Variants in SPTBN2 observed in about 807,000 individuals in gnomAD.
SPTBN2 encodes spectrin beta chain, non-erythrocytic 2.
Under a neutral mutation model 284.2 loss-of-function variants are expected in SPTBN2, and 107 were observed. The ratio of observed to expected loss-of-function variants is 0.38; its 90% CI spans 0.32 to 0.44. SPTBN2 has a LOEUF of 0.44. Ranked by LOEUF, SPTBN2 falls within the 20% of genes least tolerant of loss-of-function variation. The probability of loss-of-function intolerance (pLI) is 1.00; values close to 1 mark genes in which losing one functional copy is unlikely to be tolerated. For missense variants in SPTBN2, 2,569 were observed against 3,287.1 expected, an observed-to-expected ratio of 0.78 and a Z score of 5.34; for synonymous variants, 1,289 against 1,354.8, an observed-to-expected ratio of 0.95 and a Z score of 1.07.
chr11:66,688,297 C>G lies in SPTBN2; in HGVS notation c.6246G>C (p.Glu2082Asp). Residue 2082 changes from glutamate (E) to aspartate (D), a missense_variant, in exon 32 of 38, where the codon GAG becomes GAC. Glu to Asp is a conservative substitution (Grantham distance 45). Coordinates refer to ENST00000533211, the MANE Select transcript of SPTBN2 (RefSeq NM_006946.4). The stretch of plus-strand genomic sequence containing the variant: ...CCTCCCTCTTTCTCTTTCGCTCCTT[C>G]TCCCGCTCCTCTAGCTGTCAAAAAA... ...LEKLTALEEREKERKRKREEE... is the reference protein window; with the variant it reads ...LEKLTALEERDKERKRKREEE... 6.3e-7 allele frequency: 1 copy of G among 1,598,630 alleles called. No individual in the cohort carries two copies. Among genetic ancestry groups the G allele is most frequent in the Non-Finnish European group, 8.5e-7 (1 of 1,172,586 alleles).
chr11:66,721,963 C>T (rs922483669), intron 1 of SPTBN2, among the ~76,000 whole-genome samples: 3 of 151,776 alleles, frequency 2.0e-5, no homozygotes, highest in African/African-American at 7.3e-5. Flanking sequence ...AGGATTATTG[C>T]TTGAACCTGG....
intron 8 of SPTBN2, among the ~76,000 whole-genome samples, chr11:66,711,935 G>A (rs965748945): frequency 2.0e-5 from 3 of 152,198 alleles, no homozygotes; most frequent in African/African-American, 7.2e-5. Context: ...TGGAAAACAG[G>A]GAGAAAATGG....
rs374791045 is a variant in SPTBN2 at position 66,700,535 on chromosome 11, G to C, written c.3564C>G (p.Leu1188=). 2 of 1,604,250 alleles carry C rather than the reference G, an allele frequency of 1.2e-6. No homozygotes were observed. The highest frequency in any genetic ancestry group is 3.3e-5 in the Admixed American group (2 of 60,018). Residue 1188 remains leucine, a synonymous_variant, in exon 17 of 38, where the codon CTC becomes CTG. Transcript: ENST00000533211. This position sits in a 1 kb window ranked among gnomAD's most constrained non-coding sequence, Gnocchi z 6.6. ...TGCCCTGGACTTTCACCTGGCTGCT[G>C]AGCACGCCCTCAGCCTGACGAGCAT... ...LRDARQAEGV[L]SSQEYVLSHT...
chr11:66,693,202 C>T lies in SPTBN2; in HGVS notation c.4838G>A (p.Gly1613Asp), dbSNP rs1392338100. ...GGCCCTCACCTTGGCCTTCTCCTGG[C>T]CCATCATGTGTAATTCCTGCTCGCC... ...WMGEQELHMM[G>D]QEKAKDELSA... The change falls in exon 24 of 38, where the codon GGC becomes GAC. Residue 1613 changes from glycine to aspartate, a missense_variant. By Grantham distance (94) the Gly-to-Asp change is moderately conservative (BLOSUM62 -1). Around this residue, in one of 6 missense-constraint regions of SPTBN2, gnomAD observed 1,130 missense variants for 1,317.3 expected, o/e 0.86. Transcript: ENST00000533211. This position sits in a 1 kb window ranked among gnomAD's most constrained non-coding sequence, Gnocchi z 5.7. 1 of 1,614,226 alleles carries T rather than the reference C, an allele frequency of 6.2e-7. No individual in the cohort carries two copies. Among genetic ancestry groups the T allele is most frequent in the Non-Finnish European group, 8.5e-7 (1 of 1,180,040 alleles).
upstream of SPTBN2, among the ~76,000 whole-genome samples, chr11:66,730,236 A>G (rs1444678370): frequency 2.6e-5 from 4 of 152,188 alleles, no homozygotes; most frequent in Non-Finnish European, 5.9e-5. Flanking sequence ...CAACCTGTGC[A>G]TGACGGTCAT....
At position 66,685,250 on chromosome 11, in the gene SPTBN2, G is replaced by GAGAGA. The variant is rs1335842674; in HGVS notation, c.*616_*620dup. On this transcript the variant is annotated 3_prime_UTR_variant, in exon 38 of 38. Coordinates refer to ENST00000533211, the MANE Select transcript of SPTBN2 (RefSeq NM_006946.4). This position sits in a 1 kb window ranked among gnomAD's most constrained non-coding sequence, Gnocchi z 4.4. Reference sequence around the variant, plus strand: ...GAAAGCAAAGACACCCAGAGGCGGTGAGAGAAGCTGAGCTGTTTAATCACC... The same window carrying GAGAGA: ...GAAAGCAAAGACACCCAGAGGCGGTGAGAGAAGAGAAGCTGAGCTGTTTAATCACC... The GAGAGA allele has an allele frequency of 2.5e-5, 4 of 157,484 alleles. No individual in the cohort carries two copies. The highest frequency in any genetic ancestry group is 1.9e-4 in the South Asian group (1 of 5,246). The allele number at this position is 157,484 out of a possible 1,614,324, so 9.8% of individuals were successfully genotyped here.
chr11:66,733,909 C>A (rs1025401956), upstream of SPTBN2, among the ~76,000 whole-genome samples: 1 of 146,694 alleles, frequency 6.8e-6, no homozygotes, highest in Non-Finnish European at 1.5e-5. Context: ...ACCCGGGAAG[C>A]AGAGCTTGCA....
At position 66,691,681 on chromosome 11, in the gene SPTBN2, AGACCAT is replaced by A. The variant is rs1565116674; in HGVS notation, c.5191-29_5191-24del. 1 of 1,613,124 alleles carries A rather than the reference AGACCAT, an allele frequency of 6.2e-7. No individual in the cohort carries two copies. Among genetic ancestry groups the A allele is most frequent in the Non-Finnish European group, 8.5e-7 (1 of 1,180,024 alleles). The stretch of plus-strand genomic sequence containing the variant: ...CATCTGGTAGAGGAAGCAGATGGAC[AGACCAT>A]GCCGTGATGTTAGGGGATGTGGTCC... On this transcript the variant is annotated intron_variant, in intron 26 of 37. Transcript: ENST00000533211. This position sits in a 1 kb window ranked among gnomAD's most constrained non-coding sequence, Gnocchi z 8.0.
chr11:66,716,887 C>T (rs752687083), intron 3 of SPTBN2, among the ~76,000 whole-genome samples: 1 of 152,082 alleles, frequency 6.6e-6, no homozygotes, highest in Non-Finnish European at 1.5e-5. Flanking sequence ...ATTATTGCAG[C>T]GGCTCTTCCA....
intron 1 of SPTBN2, among the ~76,000 whole-genome samples, chr11:66,743,062 T>C (rs1942910214): frequency 6.6e-6 from 1 of 151,942 alleles, no homozygotes; most frequent in South Asian, 2.1e-4. Flanking sequence ...TCATTCAATG[T>C]TACTGGTCCC....
In SPTBN2 at chr11:66,689,173, T is replaced by G; in HGVS notation, c.5957A>C (p.Glu1986Ala). 2 of 1,605,874 alleles carry G rather than the reference T, an allele frequency of 1.2e-6. No homozygotes were observed. Among genetic ancestry groups the G allele is most frequent in the Non-Finnish European group, 1.7e-6 (2 of 1,175,494 alleles). ...CCGTGCCTGCAGCTGAGACAGCTTC[T>G]CTGAGATCTGGGGGCGGGGGGCAGA... ...RSHYAAEEIS[E>A]KLSQLQARRQ... The change falls in exon 30 of 38, where the codon GAG becomes GCG. Residue 1986 changes from glutamate to alanine, a missense_variant. Coordinates refer to ENST00000533211, the MANE Select transcript of SPTBN2 (RefSeq NM_006946.4).
At chr11:66,739,963 T>A (rs903736262) in intron 1 of SPTBN2, among the ~76,000 whole-genome samples, 1 of 152,072 alleles carries the variant, frequency 6.6e-6, no homozygotes, top group African/African-American at 2.4e-5. Flanking sequence ...ACCCAGGAGA[T>A]GGAGGTTGCA....
chr11:66,690,242 G>C lies in SPTBN2; in HGVS notation c.5607C>G (p.Ala1869=). 2 of 1,612,608 alleles carry C rather than the reference G, an allele frequency of 1.2e-6. No homozygotes were observed. Among genetic ancestry groups the C allele is most frequent in the Non-Finnish European group, 1.7e-6 (2 of 1,179,254 alleles). The change falls in exon 28 of 38, where the codon GCC becomes GCG. Residue 1869 remains alanine (A), a synonymous_variant. Coordinates refer to ENST00000533211, the MANE Select transcript of SPTBN2 (RefSeq NM_006946.4). ...TCTCCTCAGCCTTGTCTCCAGCGTA[G>C]GCCTTCTGGAGCCGGTGGCCGTCGT... is the stretch of plus-strand genomic sequence containing the variant. ...VQDDGHRLQK[A]YAGDKAEEIG... is the part of the protein sequence containing the mutation.
At chr11:66,722,468 C>T (rs532642704) in intron 1 of SPTBN2, among the ~76,000 whole-genome samples, 2 of 148,762 alleles carry the variant, frequency 1.3e-5, no homozygotes, top group East Asian at 2.0e-4. Flanking sequence ...CCCAGCTACT[C>T]GGGAGGCTGA....
At chr11:66,736,004 A>AT (rs1942849248) in intron 1 of SPTBN2, among the ~76,000 whole-genome samples, 1 of 152,184 alleles carries the variant, frequency 6.6e-6, no homozygotes, top group Non-Finnish European at 1.5e-5. Flanking sequence ...ATTTCCTGTG[A>AT]TTACTTAGAC....
chr11:66,707,874 G>A lies in SPTBN2; in HGVS notation c.1351-56C>T, dbSNP rs530491895. 1 of 1,589,510 alleles carries A rather than the reference G, an allele frequency of 6.3e-7. No individual in the cohort carries two copies. Among genetic ancestry groups the A allele is most frequent in the South Asian group, 1.1e-5 (1 of 89,358 alleles). On this transcript the variant is annotated intron_variant, in intron 12 of 37. Coordinates refer to ENST00000533211, the MANE Select transcript of SPTBN2 (RefSeq NM_006946.4). The surrounding 1 kb of genome is among the most constrained non-coding windows in gnomAD (Gnocchi z 4.9). ...GGACCAAGGGACAGTGCCTCTGCCTGCTCCTCTGTCCTGCAGGGCACTTGG... is the reference window on the plus strand; with the variant it reads ...GGACCAAGGGACAGTGCCTCTGCCTACTCCTCTGTCCTGCAGGGCACTTGG...
Position 66,714,312 on chromosome 11 carries a change from TCA to T in SPTBN2, c.575+2_575+3del. The T allele has an allele frequency of 6.2e-7, 1 of 1,612,982 alleles. No homozygotes were observed. The highest frequency in any genetic ancestry group is 1.3e-5 in the African/African-American group (1 of 75,046). The stretch of plus-strand genomic sequence containing the variant: ...CCAGTGCCACACGCCCAGGGTGTCC[TCA>T]CCCTGCAGTCTTCATCTGGCACCAC... On this transcript the variant is annotated splice_donor_variant and splice_donor_region_variant and intron_variant, in intron 6 of 37. Coordinates refer to ENST00000533211, the MANE Select transcript of SPTBN2 (RefSeq NM_006946.4). LOFTEE classifies it high-confidence loss of function.
intron 8 of SPTBN2, 110 bp downstream of exon 8, chr11:66,713,521 G>A (rs1941987271): frequency 2.5e-6 from 2 of 815,696 alleles, no homozygotes; most frequent in Admixed American, 3.4e-5. Flanking sequence ...AGAAGCCCCT[G>A]TATCAGTTGG....
At chr11:66,723,685 C>G (rs145772179) in intron 1 of SPTBN2, among the ~76,000 whole-genome samples, 276 of 152,258 alleles carry the variant, frequency 1.8e-3, no homozygotes, top group Middle Eastern at 6.8e-3. Context: ...GCCTAGGACT[C>G]TTCTCATTCA....
Sources: gnomAD v4.1 joint callset for allele counts (sites outside exome capture counted in the v4.1 genomes callset) on GRCh38, gnomAD v4.1.1 for gene constraint, gnomAD v4.1.1 regional missense constraint, Gnocchi (gnomAD v3.1) non-coding constraint, MANE v1.5 for transcripts, NCBI Gene and HGNC (gene_info 2026-07-23, HGNC 2026-07-21) for gene names.